HS6ST3: variants seen among roughly 807,000 people sequenced by gnomAD.
HS6ST3 encodes heparan-sulfate 6-O-sulfotransferase 3.
HS6ST3 carries 12 observed loss-of-function variants against 36.7 expected under a neutral mutation model. The ratio of observed to expected loss-of-function variants is 0.33; its 90% CI spans 0.21 to 0.53. The LOEUF is 0.53. Among genes scored for constraint, HS6ST3 ranks in the 20% least tolerant of loss-of-function variants. HS6ST3 has a pLI of 0.95. For synonymous variants in HS6ST3, 240 were observed against 257.5 expected (o/e 0.93, Z 0.65); for missense variants, 584 against 640.9 (o/e 0.91, Z 0.96).
At chr13:96,661,447 G>A (rs1030582623) in intron 1 of HS6ST3, among the ~76,000 whole-genome samples, 5 of 151,936 alleles carry the variant, frequency 3.3e-5, no homozygotes, top group African/African-American at 1.2e-4. Flanking sequence ...ACTCCTGCTT[G>A]CTTTTCTTTT....
intron 1 of HS6ST3, among the ~76,000 whole-genome samples, chr13:96,163,060 A>G (rs1315686048): frequency 6.6e-6 from 1 of 152,076 alleles, no homozygotes; most frequent in Admixed American, 6.6e-5. Context: ...GGGTGGAATG[A>G]TCATAGCTGC....
At chr13:96,603,402 G>A (rs925062196) in intron 1 of HS6ST3, among the ~76,000 whole-genome samples, 21 of 152,138 alleles carry the variant, frequency 1.4e-4, no homozygotes, top group African/African-American at 4.8e-4. Flanking sequence ...TTTTTCTTGT[G>A]GTAGTTCATT....
intron 1 of HS6ST3, among the ~76,000 whole-genome samples, chr13:96,206,960 C>T (rs758545906): frequency 3.4e-4 from 51 of 151,838 alleles, no homozygotes; most frequent in Admixed American, 3.1e-3. Flanking sequence ...TTGACAAATG[C>T]GATCTAATTA....
At chr13:96,601,909 T>C (rs1336017803) in intron 1 of HS6ST3, among the ~76,000 whole-genome samples, 1 of 152,214 alleles carries the variant, frequency 6.6e-6, no homozygotes, top group Non-Finnish European at 1.5e-5. Context: ...ATCTTTGGCT[T>C]TCTCAGATGC....
chr13:96,257,404 G>A (rs1334561098), intron 1 of HS6ST3, among the ~76,000 whole-genome samples: 1 of 152,086 alleles, frequency 6.6e-6, no homozygotes, highest in South Asian at 2.1e-4. Context: ...CCTATCCAAG[G>A]TTGTTATAGG....
At chr13:96,163,171 A>G (rs1471372461) in intron 1 of HS6ST3, among the ~76,000 whole-genome samples, 1 of 151,326 alleles carries the variant, frequency 6.6e-6, no homozygotes, top group Non-Finnish European at 1.5e-5. Context: ...TGTAAGTACA[A>G]TATTTTTTCT....
chr13:96,321,147 T>A (rs2055001109), intron 1 of HS6ST3, among the ~76,000 whole-genome samples: 1 of 152,020 alleles, frequency 6.6e-6, no homozygotes, highest in South Asian at 2.1e-4. Context: ...TAAGTTAAGG[T>A]TGCTTCTTTC....
intron 1 of HS6ST3, among the ~76,000 whole-genome samples, chr13:96,398,147 G>A (rs1380672879): frequency 1.3e-5 from 2 of 152,152 alleles, no homozygotes; most frequent in African/African-American, 2.4e-5. Flanking sequence ...AATAATGTGT[G>A]CAAAGCCCAC....
intron 1 of HS6ST3, among the ~76,000 whole-genome samples, chr13:96,128,172 G>T (rs775860385): frequency 2.8e-4 from 43 of 152,202 alleles, no homozygotes; most frequent in Middle Eastern, 3.2e-3. Context: ...GTTTTCTCCA[G>T]TTATTAAGTT....
At chr13:96,233,747 G>A (rs2054519068) in intron 1 of HS6ST3, among the ~76,000 whole-genome samples, 1 of 152,184 alleles carries the variant, frequency 6.6e-6, no homozygotes, top group Non-Finnish European at 1.5e-5. Flanking sequence ...AATGTGGAGA[G>A]GTTGGGCAGC....
chr13:96,716,974 C>T (rs895019078), intron 1 of HS6ST3, among the ~76,000 whole-genome samples: 2 of 152,162 alleles, frequency 1.3e-5, no homozygotes, highest in Non-Finnish European at 2.9e-5. Flanking sequence ...TATTTTCCTT[C>T]ATTCAGGAGG....
At position 96,763,993 on chromosome 13, in the gene HS6ST3, T is replaced by G. The variant is rs1047043582; in HGVS notation, c.708-68497T>G. ...AGAAAAATAGTAGAAATGAAAATAC[T>G]ACAATGGCTTTCTATTATACCCACC... On this transcript the variant is annotated intron_variant, in intron 1 of 1. Coordinates refer to ENST00000376705, the MANE Select transcript of HS6ST3 (RefSeq NM_153456.4). 3.3e-4 allele frequency among the ~76,000 whole-genome samples: 50 copies of G among 152,222 alleles called. 1 individual carries two copies. The highest frequency in any genetic ancestry group is 3.1e-3 in the Admixed American group (47 of 15,288).
At chr13:96,627,191 C>G (rs1298630677) in intron 1 of HS6ST3, among the ~76,000 whole-genome samples, 1 of 152,010 alleles carries the variant, frequency 6.6e-6, no homozygotes, top group Non-Finnish European at 1.5e-5. Context: ...AAAGGTGTTT[C>G]TTGCTATTAA....
At chr13:96,665,685 C>T (rs1379684937) in intron 1 of HS6ST3, among the ~76,000 whole-genome samples, 4 of 152,080 alleles carry the variant, frequency 2.6e-5, no homozygotes, top group South Asian at 4.1e-4. Flanking sequence ...TGATTTGAAT[C>T]GCAGCTCTGC....
At chr13:96,687,542 C>T (rs1201408363) in intron 1 of HS6ST3, among the ~76,000 whole-genome samples, 1 of 151,874 alleles carries the variant, frequency 6.6e-6, no homozygotes. Flanking sequence ...GAAATGATTA[C>T]ATATTTCCAA....
At chr13:96,821,887 T>C (rs911014644) in intron 1 of HS6ST3, among the ~76,000 whole-genome samples, 1 of 152,250 alleles carries the variant, frequency 6.6e-6, no homozygotes, top group African/African-American at 2.4e-5. Flanking sequence ...GTGATGTTTT[T>C]GGAAAATATG....
intron 1 of HS6ST3, among the ~76,000 whole-genome samples, chr13:96,199,316 T>G (rs1443402821): frequency 6.6e-6 from 1 of 152,232 alleles, no homozygotes; most frequent in African/African-American, 2.4e-5. Flanking sequence ...AATTGTATTC[T>G]CCGTGTACAT....
At chr13:96,510,845 T>C (rs777153099) in intron 1 of HS6ST3, among the ~76,000 whole-genome samples, 4 of 152,236 alleles carry the variant, frequency 2.6e-5, no homozygotes, top group Non-Finnish European at 5.9e-5. Flanking sequence ...TGCTTTCTTG[T>C]AAAACATGTA....
At chr13:96,612,789 G>T (rs2138989677) in intron 1 of HS6ST3, among the ~76,000 whole-genome samples, 1 of 152,222 alleles carries the variant, frequency 6.6e-6, no homozygotes, top group Non-Finnish European at 1.5e-5. Flanking sequence ...CACTCAGAGT[G>T]CACGGTACAG....
Sources: allele counts gnomAD v4.1 joint callset (sites outside exome capture counted in the v4.1 genomes callset), GRCh38; gene constraint gnomAD v4.1.1; transcripts MANE v1.5; gene names NCBI Gene and HGNC (gene_info 2026-07-23, HGNC 2026-07-21).